MAGI2: variants seen among roughly 807,000 people sequenced by gnomAD.
MAGI2 encodes membrane-associated guanylate kinase, WW and PDZ domain-containing protein 2.
A neutral mutation model predicts 133.3 loss-of-function variants in MAGI2; 35 were observed. The observed-to-expected ratio is 0.26, with a 90% confidence interval of 0.20 to 0.35. MAGI2 has a LOEUF of 0.35. Ranked by LOEUF, MAGI2 falls within the 10% of genes least tolerant of loss-of-function variation. MAGI2 has a pLI of 1.00. For missense variants in MAGI2, 1,636 were observed against 1,863.4 expected (o/e 0.88, Z 2.25); for synonymous variants, 729 against 710.6 (o/e 1.03, Z -0.41).
intron 1 of MAGI2, among the ~76,000 whole-genome samples, chr7:79,110,127 A>C (rs897858749): frequency 6.6e-6 from 1 of 151,300 alleles, no homozygotes; most frequent in Admixed American, 6.6e-5. Context: ...AAGGCTTGGT[A>C]GTCTCCACCT....
At chr7:78,861,192 C>A (rs535592599) in intron 2 of MAGI2, among the ~76,000 whole-genome samples, 1 of 152,306 alleles carries the variant, frequency 6.6e-6, no homozygotes, top group South Asian at 2.1e-4. Context: ...TTGCACTTCC[C>A]GGGTGAGGCG....
At chr7:79,417,454 A>G (rs2886215) in intron 1 of MAGI2, among the ~76,000 whole-genome samples, 63,726 of 151,910 alleles carry the variant, frequency 0.42, 16,407 homozygotes, top group African/African-American at 0.72. Flanking sequence ...TGACAGCATC[A>G]GAATTTATCA....
chr7:78,277,887 A>T lies in MAGI2; in HGVS notation c.1409-21306T>A, dbSNP rs535045123. Among the ~76,000 whole-genome samples, 151 of 152,244 alleles carry T rather than the reference A, an allele frequency of 9.9e-4. 1 individual carries two copies. The highest frequency in any genetic ancestry group is 3.3e-3 in the African/African-American group (139 of 41,548). On this transcript the variant is annotated intron_variant, in intron 9 of 21. Coordinates refer to ENST00000354212, the MANE Select transcript of MAGI2 (RefSeq NM_012301.4). ...TCTGGTAGGGAGAGGTAGAAAATGC[A>T]TAGAAAAGTAATCAGAGCAGGCAGA... is the stretch of plus-strand genomic sequence containing the variant.
intron 1 of MAGI2, among the ~76,000 whole-genome samples, chr7:79,183,417 T>C (rs1270358152): frequency 6.6e-6 from 1 of 151,924 alleles, no homozygotes; most frequent in Non-Finnish European, 1.5e-5. Flanking sequence ...TTTGTCAAAA[T>C]AGCTCTGCAA....
At chr7:79,133,347 C>T (rs928911326) in intron 1 of MAGI2, among the ~76,000 whole-genome samples, 1 of 152,130 alleles carries the variant, frequency 6.6e-6, no homozygotes, top group Non-Finnish European at 1.5e-5. Context: ...AGACAGGAAT[C>T]CAATTACATT....
intron 16 of MAGI2, among the ~76,000 whole-genome samples, chr7:78,141,975 TGA>T (rs1822809407): frequency 6.6e-6 from 1 of 152,228 alleles, no homozygotes; most frequent in African/African-American, 2.4e-5. Flanking sequence ...AGCTAAGTAC[TGA>T]GAGTAAATTA....
chr7:78,053,356 C>G (rs1812217543), intron 21 of MAGI2, among the ~76,000 whole-genome samples: 1 of 152,206 alleles, frequency 6.6e-6, no homozygotes, highest in Non-Finnish European at 1.5e-5. Context: ...GAAGCTGTCC[C>G]AGGACTGTGT....
At chr7:78,727,231 A>C (rs2151215332) in intron 2 of MAGI2, among the ~76,000 whole-genome samples, 1 of 152,334 alleles carries the variant, frequency 6.6e-6, no homozygotes, top group South Asian at 2.1e-4. Flanking sequence ...TCGATATATA[A>C]GTTGACCGAT....
intron 2 of MAGI2, among the ~76,000 whole-genome samples, chr7:78,701,431 T>C (rs1379303287): frequency 6.6e-6 from 1 of 151,966 alleles, no homozygotes; most frequent in African/African-American, 2.4e-5. Flanking sequence ...TAAGGTAGAG[T>C]ACATGTGGGA....
intron 3 of MAGI2, among the ~76,000 whole-genome samples, chr7:78,592,338 C>CTT (rs761420453): frequency 9.4e-6 from 1 of 106,078 alleles, no homozygotes; most frequent in Non-Finnish European, 2.3e-5. Flanking sequence ...AAATAGTAGA[C>CTT]TATTTTTTTT....
At chr7:78,670,985 T>C (rs1814314836) in intron 2 of MAGI2, among the ~76,000 whole-genome samples, 1 of 152,190 alleles carries the variant, frequency 6.6e-6, no homozygotes. Context: ...TTTAAGACTC[T>C]ATGATACCAG....
Position 78,476,309 on chromosome 7 carries a change from G to A in MAGI2, c.1045+13452C>T, listed in dbSNP as rs574988778. On this transcript the variant is annotated intron_variant, in intron 6 of 21. Coordinates refer to ENST00000354212, the MANE Select transcript of MAGI2 (RefSeq NM_012301.4). ...AGAGTAAATCAGCCTCAAAGGAAAA[G>A]TTTAGGTTAGTTAAACCAAAGTGAA... Among the ~76,000 whole-genome samples the A allele has an allele frequency of 1.1e-4, 16 of 152,038 alleles. No homozygotes were observed. The East Asian group carries it at 3.1e-3, about 30-fold the overall frequency.
chr7:78,529,722 G>T (rs1368635831), intron 3 of MAGI2, among the ~76,000 whole-genome samples: 1 of 97,138 alleles, frequency 1.0e-5, no homozygotes, highest in African/African-American at 4.0e-5. Flanking sequence ...TCACTGTGTT[G>T]GCCAGGCTGG....
chr7:79,124,497 C>A (rs1333233721), intron 1 of MAGI2, among the ~76,000 whole-genome samples: 6 of 152,264 alleles, frequency 3.9e-5, no homozygotes. Flanking sequence ...TCTACTGACT[C>A]CCAAGTTTGC....
intron 2 of MAGI2, among the ~76,000 whole-genome samples, chr7:78,966,886 A>G (rs2115891986): frequency 7.3e-6 from 1 of 137,820 alleles, no homozygotes; most frequent in Admixed American, 7.6e-5. Flanking sequence ...ATGATTAGTG[A>G]TGTTGAACAT....
intron 3 of MAGI2, among the ~76,000 whole-genome samples, chr7:78,592,465 G>A (rs929716913): frequency 1.3e-5 from 2 of 151,872 alleles, no homozygotes; most frequent in Non-Finnish European, 2.9e-5. Context: ...TGTGATTAGA[G>A]CAAGGGGATA....
At chr7:79,252,743 C>T (rs1295091209) in intron 1 of MAGI2, among the ~76,000 whole-genome samples, 6 of 151,898 alleles carry the variant, frequency 4.0e-5, no homozygotes, top group Admixed American at 3.9e-4. Flanking sequence ...CTACTATGTA[C>T]CCACAAATAT....
intron 21 of MAGI2, among the ~76,000 whole-genome samples, chr7:78,044,491 G>A (rs1370958551): frequency 6.6e-6 from 1 of 152,170 alleles, no homozygotes; most frequent in Non-Finnish European, 1.5e-5. Context: ...TCAATGTGGA[G>A]TTTTAGTATA....
intron 6 of MAGI2, among the ~76,000 whole-genome samples, chr7:78,430,772 A>C (rs1799717234): frequency 6.6e-6 from 1 of 152,068 alleles, no homozygotes; most frequent in Admixed American, 6.6e-5. Flanking sequence ...TACGTCTTGA[A>C]ATCTTTAGGC....
Sources: allele counts gnomAD v4.1 joint callset (sites outside exome capture counted in the v4.1 genomes callset), GRCh38; gene constraint gnomAD v4.1.1; transcripts MANE v1.5; gene names NCBI Gene and HGNC (gene_info 2026-07-23, HGNC 2026-07-21).